TASP1: variants seen among roughly 807,000 people sequenced by gnomAD.
TASP1 encodes taspase 1, also known as threonine aspartase 1.
In TASP1, 16 loss-of-function variants were observed where a neutral mutation model predicts 56.6. That is an observed-to-expected ratio of 0.28 (90% CI 0.19 to 0.43). The LOEUF is 0.43. TASP1 is among the 20% of genes least tolerant of loss of function. The pLI is 1.00. For synonymous variants in TASP1, 179 were observed against 184.2 expected (o/e 0.97, Z 0.23); for missense variants, 393 against 511.6 (o/e 0.77, Z 2.24).
At chr20:13,432,343 G>A (rs923744161) in intron 12 of TASP1, among the ~76,000 whole-genome samples, 1 of 152,170 alleles carries the variant, frequency 6.6e-6, no homozygotes, top group Non-Finnish European at 1.5e-5. Context: ...TACAGAGTGA[G>A]GGTGTTTCCC....
Position 13,501,668 on chromosome 20 carries a change from A to G in TASP1, c.875-18331T>C, listed in dbSNP as rs79125983. Among the ~76,000 whole-genome samples, 145 of 152,152 alleles carry G rather than the reference A, an allele frequency of 9.5e-4. 2 individuals carry two copies. The East Asian group carries it at 0.026, about 28-fold the overall frequency. On this transcript the variant is annotated intron_variant, in intron 10 of 13. Transcript: ENST00000337743. ...GTATATTTAGCCCAATTACATCAAT[A>G]CTTACATTAAACATAAATGGACTAA...
the TASP1 span, among the ~76,000 whole-genome samples, chr20:13,213,313 A>G: frequency 6.6e-6 from 1 of 152,166 alleles, no homozygotes; most frequent in South Asian, 2.1e-4. Flanking sequence ...AAGCTAAGGT[A>G]TTTATTATTT....
chr20:13,291,521 C>T, the TASP1 span, among the ~76,000 whole-genome samples: 1 of 152,180 alleles, frequency 6.6e-6, no homozygotes, highest in Non-Finnish European at 1.5e-5. Flanking sequence ...GGCCAAGGCT[C>T]ACCAGCAAAT....
At chr20:13,344,288 C>T in the TASP1 span, among the ~76,000 whole-genome samples, 2 of 152,140 alleles carry the variant, frequency 1.3e-5, no homozygotes, top group South Asian at 2.1e-4. Flanking sequence ...CACACACACA[C>T]GCACACACAC....
At chr20:13,331,063 CT>C in the TASP1 span, among the ~76,000 whole-genome samples, 6 of 152,158 alleles carry the variant, frequency 3.9e-5, no homozygotes, top group Middle Eastern at 6.8e-3. Flanking sequence ...TTGTTTTGCT[CT>C]TTTTTTCTTG....
intron 1 of TASP1, among the ~76,000 whole-genome samples, chr20:13,634,016 T>A (rs932079908): frequency 2.0e-5 from 3 of 152,228 alleles, no homozygotes; most frequent in Admixed American, 2.0e-4. Context: ...AACAGAGTTA[T>A]GCTATGACCC....
intron 6 of TASP1, among the ~76,000 whole-genome samples, chr20:13,578,454 C>T (rs1026845403): frequency 3.3e-5 from 5 of 152,028 alleles, no homozygotes; most frequent in Admixed American, 2.6e-4. Flanking sequence ...TAATTCTGAT[C>T]GTAGTATCTT....
chr20:13,296,193 C>T, the TASP1 span, among the ~76,000 whole-genome samples: 4 of 152,166 alleles, frequency 2.6e-5, no homozygotes, highest in Admixed American at 6.5e-5. Flanking sequence ...CCCACATTTC[C>T]TCCACCCATA....
chr20:13,397,256 C>T (rs1396511810), intron 13 of TASP1, among the ~76,000 whole-genome samples: 1 of 152,178 alleles, frequency 6.6e-6, no homozygotes, highest in Non-Finnish European at 1.5e-5. Flanking sequence ...GCTCTAAGTG[C>T]AATTATGTCT....
chr20:13,111,282 G>C, the TASP1 span, among the ~76,000 whole-genome samples: 1 of 152,118 alleles, frequency 6.6e-6, no homozygotes, highest in Non-Finnish European at 1.5e-5. Context: ...AGCCAGCCCA[G>C]AGAGTATGTA....
the TASP1 span, among the ~76,000 whole-genome samples, chr20:13,224,908 C>T: frequency 4.2e-5 from 6 of 144,320 alleles, no homozygotes; most frequent in Non-Finnish European, 3.0e-5. Flanking sequence ...TGCAGTGGCG[C>T]GATCTCTGCT....
chr20:13,434,616 G>A (rs1265211982), intron 12 of TASP1, among the ~76,000 whole-genome samples: 18 of 152,118 alleles, frequency 1.2e-4, no homozygotes, highest in Admixed American at 3.9e-4. Context: ...CATGGTTAAC[G>A]AGCCACGGAG....
chr20:13,175,404 T>G, the TASP1 span, among the ~76,000 whole-genome samples: 1 of 152,342 alleles, frequency 6.6e-6, no homozygotes, highest in East Asian at 1.9e-4. Flanking sequence ...TATGGGTATT[T>G]TCTGGTCTTA....
the TASP1 span, among the ~76,000 whole-genome samples, chr20:13,271,677 C>T: frequency 6.6e-6 from 1 of 152,206 alleles, no homozygotes; most frequent in African/African-American, 2.4e-5. Flanking sequence ...GTTGTTTGTA[C>T]CTTTCTCTGT....
At chr20:13,393,250 G>T in intron 13 of TASP1, 1 of 739,444 alleles carries the variant, frequency 1.4e-6, no homozygotes, top group Non-Finnish European at 2.5e-6. Context: ...GGCCCCTCCG[G>T]GAAACTGTGG....
chr20:13,281,045 T>A, the TASP1 span, among the ~76,000 whole-genome samples: 2 of 152,244 alleles, frequency 1.3e-5, no homozygotes, highest in African/African-American at 4.8e-5. Context: ...TATTAGACAG[T>A]CATTTCTTCT....
the TASP1 span, among the ~76,000 whole-genome samples, chr20:13,321,263 A>AAAAAAAAAAAAAAAAAAAAAAC: frequency 6.6e-6 from 1 of 150,794 alleles, no homozygotes; most frequent in Non-Finnish European, 1.5e-5. Flanking sequence ...TAAAAAAAAA[A>AAAAAAAAAAAAAAAAAAAAAAC]AAAAAAAAAA....
chr20:13,123,524 G>T, the TASP1 span, among the ~76,000 whole-genome samples: 2 of 152,120 alleles, frequency 1.3e-5, no homozygotes, highest in Non-Finnish European at 2.9e-5. Context: ...TGGTCACACG[G>T]CAGTAAGTGG....
At chr20:13,571,643 C>G (rs988302397) in intron 6 of TASP1, among the ~76,000 whole-genome samples, 2 of 152,148 alleles carry the variant, frequency 1.3e-5, no homozygotes, top group Non-Finnish European at 2.9e-5. Flanking sequence ...TCTCAATACA[C>G]CAGCCACTAA....
Sources: gnomAD v4.1 joint callset for allele counts (sites outside exome capture counted in the v4.1 genomes callset) on GRCh38, gnomAD v4.1.1 for gene constraint, MANE v1.5 for transcripts, NCBI Gene and HGNC (gene_info 2026-07-23, HGNC 2026-07-21) for gene names.